Variants in ERBB4 observed in about 807,000 individuals in gnomAD.
The protein encoded by ERBB4 is erb-b2 receptor tyrosine kinase 4, also known as receptor tyrosine-protein kinase erbB-4.
A neutral mutation model predicts 158.0 loss-of-function variants in ERBB4; 42 were observed. The ratio of observed to expected loss-of-function variants is 0.27; its 90% CI spans 0.21 to 0.34. The LOEUF is 0.34. ERBB4 is among the 10% of genes least tolerant of loss of function. The pLI is 1.00. For synonymous variants in ERBB4, 583 were observed against 558.7 expected (o/e 1.04, Z -0.61); for missense variants, 1,333 against 1,624.1 (o/e 0.82, Z 3.08).
At chr2:211,980,864 C>T (rs1382703544) in intron 2 of ERBB4, among the ~76,000 whole-genome samples, 1 of 151,974 alleles carries the variant, frequency 6.6e-6, no homozygotes, top group Non-Finnish European at 1.5e-5. Context: ...TTCATATGGC[C>T]TTCTTAATCA....
At chr2:211,634,198 A>T (rs2070267146) in intron 16 of ERBB4, among the ~76,000 whole-genome samples, 1 of 152,226 alleles carries the variant, frequency 6.6e-6, no homozygotes, top group African/African-American at 2.4e-5. Flanking sequence ...TCATTGTCTA[A>T]AAGTTTAGCT....
At chr2:211,710,466 C>T (rs2073655182) in intron 9 of ERBB4, among the ~76,000 whole-genome samples, 1 of 152,074 alleles carries the variant, frequency 6.6e-6, no homozygotes, top group South Asian at 2.1e-4. Context: ...TGTCCCAGGT[C>T]TCCTATGCAA....
chr2:211,940,732 A>G (rs1445501001), intron 3 of ERBB4, among the ~76,000 whole-genome samples: 1 of 152,124 alleles, frequency 6.6e-6, no homozygotes, highest in Non-Finnish European at 1.5e-5. Flanking sequence ...CAGAGGAGAA[A>G]GGATGATTCT....
chr2:211,773,081 T>G (rs186390298), intron 4 of ERBB4, among the ~76,000 whole-genome samples: 1 of 150,340 alleles, frequency 6.7e-6, no homozygotes, highest in Admixed American at 6.7e-5. Context: ...CCACGCCTTG[T>G]CAATAACTGG....
intron 2 of ERBB4, among the ~76,000 whole-genome samples, chr2:212,102,714 T>C (rs1293508130): frequency 6.6e-6 from 1 of 152,158 alleles, no homozygotes; most frequent in Non-Finnish European, 1.5e-5. Flanking sequence ...ATCTCAAATA[T>C]AATATTTCCT....
intron 19 of ERBB4, among the ~76,000 whole-genome samples, chr2:211,596,955 G>A (rs1020440286): frequency 2.6e-5 from 4 of 152,044 alleles, no homozygotes; most frequent in African/African-American, 9.7e-5. Flanking sequence ...TAGTAGAAAT[G>A]GGTTTTTGCC....
chr2:212,059,293 G>C (rs1175304506), intron 2 of ERBB4, among the ~76,000 whole-genome samples: 1 of 152,090 alleles, frequency 6.6e-6, no homozygotes, highest in Admixed American at 6.5e-5. Flanking sequence ...AATAAAAGAG[G>C]ATACAAACAA....
intron 1 of ERBB4, among the ~76,000 whole-genome samples, chr2:212,498,385 T>C (rs558267669): frequency 6.6e-6 from 1 of 152,270 alleles, no homozygotes; most frequent in African/African-American, 2.4e-5. Flanking sequence ...GCTATTTAAA[T>C]CCTAAAATCT....
chr2:212,181,149 C>T (rs2081846532), intron 1 of ERBB4, among the ~76,000 whole-genome samples: 1 of 151,750 alleles, frequency 6.6e-6, no homozygotes, highest in Non-Finnish European at 1.5e-5. Context: ...GAGTCTTTCT[C>T]CAGATCACCT....
chr2:211,800,581 C>T (rs1197538281), intron 3 of ERBB4, among the ~76,000 whole-genome samples: 1 of 150,826 alleles, frequency 6.6e-6, no homozygotes, highest in Non-Finnish European at 1.5e-5. Context: ...CCCTGAAGTC[C>T]TTTTTGAAAA....
At chr2:211,459,551 GT>G (rs2125498590) in intron 20 of ERBB4, among the ~76,000 whole-genome samples, 1 of 152,236 alleles carries the variant, frequency 6.6e-6, no homozygotes, top group South Asian at 2.1e-4. Flanking sequence ...CATGGGGGAG[GT>G]TTCCCCCATA....
At position 212,227,419 on chromosome 2, in the gene ERBB4, C is replaced by T. The variant is rs969952417; in HGVS notation, c.83-102516G>A. Among the ~76,000 whole-genome samples the T allele has an allele frequency of 4.6e-5, 7 of 152,062 alleles. No homozygotes were observed. In the East Asian group the frequency reaches 9.7e-4, roughly 21 times the overall value. On this transcript the variant is annotated intron_variant, in intron 1 of 27. Coordinates refer to ENST00000342788, the MANE Select transcript of ERBB4 (RefSeq NM_005235.3). ...TTTGTTCAGAAAAGGGGATATATGA[C>T]GAGCTCTTCTATATTCATGAGGTGT...
intron 1 of ERBB4, among the ~76,000 whole-genome samples, chr2:212,195,777 T>C (rs2082409464): frequency 6.6e-6 from 1 of 152,176 alleles, no homozygotes; most frequent in Non-Finnish European, 1.5e-5. Flanking sequence ...ATTTCAGAAA[T>C]GTTTATGTTG....
chr2:211,514,425 C>T (rs10188703), intron 20 of ERBB4, among the ~76,000 whole-genome samples: 54,467 of 151,732 alleles, frequency 0.36, 9,856 homozygotes, highest in East Asian at 0.52. Context: ...TTTTTAGCAT[C>T]TTCCAACTTT....
At chr2:212,031,373 C>T (rs2076898577) in intron 2 of ERBB4, among the ~76,000 whole-genome samples, 1 of 152,084 alleles carries the variant, frequency 6.6e-6, no homozygotes, top group Non-Finnish European at 1.5e-5. Context: ...GGCTTTAAAA[C>T]ATAACATATA....
chr2:211,929,328 TTAC>T, intron 3 of ERBB4, among the ~76,000 whole-genome samples: 1 of 152,148 alleles, frequency 6.6e-6, no homozygotes, highest in Non-Finnish European at 1.5e-5. Context: ...AATTACTCTT[TTAC>T]TCTTTCTCTT....
At chr2:212,109,201 A>G (rs931218890) in intron 2 of ERBB4, among the ~76,000 whole-genome samples, 2 of 152,144 alleles carry the variant, frequency 1.3e-5, no homozygotes, top group Non-Finnish European at 2.9e-5. Flanking sequence ...TGTGGTGCCA[A>G]TGGCCCGGTT....
At chr2:211,434,110 G>A (rs1384327635) in intron 20 of ERBB4, among the ~76,000 whole-genome samples, 1 of 152,106 alleles carries the variant, frequency 6.6e-6, no homozygotes, top group Non-Finnish European at 1.5e-5. Flanking sequence ...TGTAATTTAG[G>A]TGGATAATGA....
At chr2:212,165,388 C>G (rs2081317273) in intron 1 of ERBB4, among the ~76,000 whole-genome samples, 1 of 151,834 alleles carries the variant, frequency 6.6e-6, no homozygotes, top group African/African-American at 2.4e-5. Context: ...ACTCACTTCA[C>G]CATAATCCCA....
Sources: allele counts gnomAD v4.1 joint callset (sites outside exome capture counted in the v4.1 genomes callset), GRCh38; gene constraint gnomAD v4.1.1; transcripts MANE v1.5; gene names NCBI Gene and HGNC (gene_info 2026-07-23, HGNC 2026-07-21).